Variants in MAML3 observed in about 807,000 individuals in gnomAD.
The protein encoded by MAML3 is mastermind-like protein 3.
Under a neutral mutation model 101.9 loss-of-function variants are expected in MAML3, and 27 were observed. That is an observed-to-expected ratio of 0.27 (90% CI 0.20 to 0.37). MAML3 has a LOEUF of 0.37. MAML3 is among the 10% of genes least tolerant of loss of function. The pLI is 1.00. For missense variants in MAML3, 1,316 were observed against 1,444.9 expected, an observed-to-expected ratio of 0.91 and a Z score of 1.45; for synonymous variants, 501 against 555.9, an observed-to-expected ratio of 0.90 and a Z score of 1.39.
intron 1 of MAML3, among the ~76,000 whole-genome samples, chr4:139,911,764 G>A (rs1045831490): frequency 1.3e-5 from 2 of 152,218 alleles, no homozygotes; most frequent in African/African-American, 4.8e-5. Flanking sequence ...GACATCGGAA[G>A]AAGACAGTTG....
intron 1 of MAML3, among the ~76,000 whole-genome samples, chr4:140,119,836 T>C (rs1728576743): frequency 6.6e-6 from 1 of 152,124 alleles, no homozygotes; most frequent in Non-Finnish European, 1.5e-5. Flanking sequence ...TCTCTCAATC[T>C]CTCTATTTAG....
rs183510653 is a variant in MAML3, at chr4:139,731,711, G to T, written c.2080-1044C>A. Among the ~76,000 whole-genome samples, 45 of 152,274 alleles carry T rather than the reference G, an allele frequency of 3.0e-4. 1 individual carries two copies. The highest frequency in any genetic ancestry group is 2.9e-3 in the Admixed American group (45 of 15,290). ...TTCTATAATTATATGTCAGCCAGTC[G>T]AATGATGGCAACTTTTAAGGACTGG... On this transcript the variant is annotated intron_variant, in intron 2 of 4. Coordinates refer to ENST00000509479, the MANE Select transcript of MAML3 (RefSeq NM_018717.5).
At chr4:140,091,096 A>G (rs1287248581) in intron 1 of MAML3, among the ~76,000 whole-genome samples, 1 of 152,150 alleles carries the variant, frequency 6.6e-6, no homozygotes, top group African/African-American at 2.4e-5. Flanking sequence ...AAGACAGAGA[A>G]AGAAATTGGA....
chr4:139,835,162 G>A (rs1030253470), intron 2 of MAML3, among the ~76,000 whole-genome samples: 1 of 152,244 alleles, frequency 6.6e-6, no homozygotes, highest in Non-Finnish European at 1.5e-5. Context: ...TTTTCACTAA[G>A]AGCAGGGGCT....
chr4:139,974,766 T>G (rs1213534455), intron 1 of MAML3, among the ~76,000 whole-genome samples: 1 of 152,148 alleles, frequency 6.6e-6, no homozygotes, highest in East Asian at 1.9e-4. Context: ...TATTGATAAA[T>G]AATCAATACG....
chr4:140,105,204 T>C (rs530867101), intron 1 of MAML3, among the ~76,000 whole-genome samples: 1 of 152,350 alleles, frequency 6.6e-6, no homozygotes, highest in South Asian at 2.1e-4. Context: ...AAAGAGAAGA[T>C]GTTGTGCAAA....
intron 1 of MAML3, among the ~76,000 whole-genome samples, chr4:140,084,260 T>C (rs1463242854): frequency 2.6e-5 from 4 of 152,224 alleles, no homozygotes; most frequent in Non-Finnish European, 5.9e-5. Context: ...GATTTACCCT[T>C]TAGTGGCAGA....
intron 1 of MAML3, among the ~76,000 whole-genome samples, chr4:139,993,801 C>A (rs988382233): frequency 6.6e-6 from 1 of 151,884 alleles, no homozygotes; most frequent in South Asian, 2.1e-4. Context: ...GCACTCCAGC[C>A]TGGGCAACAA....
intron 1 of MAML3, among the ~76,000 whole-genome samples, chr4:139,903,975 C>T (rs1732772704): frequency 1.3e-5 from 2 of 152,152 alleles, no homozygotes; most frequent in South Asian, 4.1e-4. Context: ...AAGGGAAAGG[C>T]CTAAGCTAGT....
intron 2 of MAML3, among the ~76,000 whole-genome samples, chr4:139,835,316 A>G (rs144748742): frequency 2.0e-5 from 3 of 152,342 alleles, no homozygotes; most frequent in Admixed American, 6.5e-5. Context: ...AGGGCGCCTG[A>G]TATTATGCTA....
chr4:140,070,303 T>C (rs2110952287), intron 1 of MAML3, among the ~76,000 whole-genome samples: 1 of 152,166 alleles, frequency 6.6e-6, no homozygotes, highest in South Asian at 2.1e-4. Flanking sequence ...AAATAAATGG[T>C]TGGGAAAAAA....
chr4:140,028,551 A>C (rs10519518), intron 1 of MAML3, among the ~76,000 whole-genome samples: 4,439 of 152,168 alleles, frequency 0.029, 203 homozygotes, highest in African/African-American at 0.099. Flanking sequence ...ACTGGCTAAC[A>C]CATCATCTAA....
intron 1 of MAML3, chr4:140,134,186 A>G: frequency 2.2e-6 from 1 of 456,726 alleles, no homozygotes; most frequent in Non-Finnish European, 4.4e-6. Context: ...AAGGGAGAAT[A>G]TGTAGATTGG....
At position 140,153,555 on chromosome 4, in the gene MAML3, G is replaced by A; in HGVS notation, c.-228C>T. Reference sequence around the variant, plus strand: ...AAAAGCTCAAGGGGAAGAAAAGGGGGGAACGTTATCGGAATACCATCAGAC... The same window carrying A: ...AAAAGCTCAAGGGGAAGAAAAGGGGAGAACGTTATCGGAATACCATCAGAC... On this transcript the variant is annotated 5_prime_UTR_variant, in exon 1 of 5. Coordinates refer to ENST00000509479, the MANE Select transcript of MAML3 (RefSeq NM_018717.5). The A allele has an allele frequency of 2.0e-6, 1 of 510,150 alleles. No individual in the cohort carries two copies. The highest frequency in any genetic ancestry group is 3.3e-5 in the South Asian group (1 of 30,428). 31.6% of individuals were successfully genotyped at this position (510,150 alleles called of 1,614,324 possible).
chr4:139,905,410 T>C (rs1191587104), intron 1 of MAML3, among the ~76,000 whole-genome samples: 1 of 139,398 alleles, frequency 7.2e-6, no homozygotes, highest in African/African-American at 2.6e-5. Flanking sequence ...AAGAATGGCA[T>C]GAACCCGGGA....
intron 1 of MAML3, among the ~76,000 whole-genome samples, chr4:139,904,010 T>C (rs1732773207): frequency 6.6e-6 from 1 of 152,144 alleles, no homozygotes; most frequent in Admixed American, 6.5e-5. Context: ...TGGGAGGCAA[T>C]AATCCATTCA....
chr4:139,953,074 T>C (rs1045049104), intron 1 of MAML3, among the ~76,000 whole-genome samples: 4 of 152,182 alleles, frequency 2.6e-5, no homozygotes, highest in Non-Finnish European at 4.4e-5. Flanking sequence ...AATTATTAAT[T>C]AGGCACAATG....
intron 1 of MAML3, among the ~76,000 whole-genome samples, chr4:140,112,357 T>C (rs1325399688): frequency 6.6e-6 from 1 of 152,150 alleles, no homozygotes; most frequent in Non-Finnish European, 1.5e-5. Context: ...TAGCCATTTC[T>C]CCAAGTCATG....
intron 1 of MAML3, among the ~76,000 whole-genome samples, chr4:139,977,340 G>A (rs1734361076): frequency 6.6e-6 from 1 of 152,142 alleles, no homozygotes; most frequent in Non-Finnish European, 1.5e-5. Flanking sequence ...TTAAAATGCT[G>A]ATAGTGCCGA....
Sources: gnomAD v4.1 joint callset for allele counts (sites outside exome capture counted in the v4.1 genomes callset) on GRCh38, gnomAD v4.1.1 for gene constraint, MANE v1.5 for transcripts, NCBI Gene and HGNC (gene_info 2026-07-23, HGNC 2026-07-21) for gene names.